DNAAF11: variants seen among roughly 807,000 people sequenced by gnomAD.
The protein encoded by DNAAF11 is dynein axonemal assembly factor 11, also known as leucine rich repeat containing 6.
Under a neutral mutation model 60.8 loss-of-function variants are expected in DNAAF11, and 45 were observed. The ratio of observed to expected loss-of-function variants is 0.74; its 90% CI spans 0.58 to 0.95. The LOEUF (loss-of-function observed/expected upper bound fraction) is 0.95. Ranked by LOEUF, DNAAF11 falls within the 40% of genes least tolerant of loss-of-function variation. The pLI is 0.00. For synonymous variants in DNAAF11, 191 were observed against 183.5 expected, an observed-to-expected ratio of 1.04 and a Z score of -0.33; for missense variants, 546 against 546.2, an observed-to-expected ratio of 1.00 and a Z score of 0.00.
intron 4 of DNAAF11, among the ~76,000 whole-genome samples, chr8:132,637,623 T>C (rs1586654250): frequency 6.6e-6 from 1 of 151,288 alleles, no homozygotes; most frequent in South Asian, 2.1e-4. Context: ...AAAAAACAAG[T>C]AATAATGAAT....
intron 10 of DNAAF11, among the ~76,000 whole-genome samples, chr8:132,594,738 C>T (rs1816810705): frequency 6.6e-6 from 1 of 152,182 alleles, no homozygotes; most frequent in Non-Finnish European, 1.5e-5. Flanking sequence ...TAAGATGTGC[C>T]TGCTTCCCCG....
At chr8:132,694,490 C>G in the DNAAF11 span, among the ~76,000 whole-genome samples, 1 of 152,216 alleles carries the variant, frequency 6.6e-6, no homozygotes, top group Non-Finnish European at 1.5e-5. Context: ...TCTCAGACTT[C>G]TAGCCTCCGT....
chr8:132,594,043 C>T (rs1041190499), intron 10 of DNAAF11, among the ~76,000 whole-genome samples: 2 of 151,876 alleles, frequency 1.3e-5, no homozygotes, highest in African/African-American at 2.4e-5. Flanking sequence ...GAGAATTCAC[C>T]AAAGCCAAAA....
chr8:132,573,412 G>A (rs1016886749), intron 11 of DNAAF11, among the ~76,000 whole-genome samples: 1 of 152,150 alleles, frequency 6.6e-6, no homozygotes, highest in Non-Finnish European at 1.5e-5. Flanking sequence ...ATAGCACAGT[G>A]TAGTGCTTGA....
rs1211277890 is a variant in DNAAF11 at position 132,632,757 on chromosome 8, T to C, written c.636A>G (p.Thr212=). ...SNAGFDGRWY[T]DINATLSSLE... is the part of the protein sequence containing the mutation. Reference sequence around the variant, plus strand: ...TTACATACAGAGTAGCATTGATGTCTGTGTACCAACGTCCATCAAAGCCTG... The same window carrying C: ...TTACATACAGAGTAGCATTGATGTCCGTGTACCAACGTCCATCAAAGCCTG... Residue 212 remains threonine (T), a synonymous_variant, in exon 5 of 12, where the codon ACA becomes ACG. Transcript: ENST00000620350. The C allele has an allele frequency of 1.2e-6, 2 of 1,610,330 alleles. No homozygotes were observed. Among genetic ancestry groups the C allele is most frequent in the East Asian group, 2.2e-5 (1 of 44,826 alleles).
At chr8:132,674,631 G>A (rs1224711499) in intron 1 of DNAAF11, among the ~76,000 whole-genome samples, 1 of 152,240 alleles carries the variant, frequency 6.6e-6, no homozygotes, top group Non-Finnish European at 1.5e-5. Flanking sequence ...GCTCACGCCT[G>A]TAATCGCAGC....
chr8:132,674,112 C>CAGGAGGAGGAGGAGGAGG (rs1289910379), intron 1 of DNAAF11, among the ~76,000 whole-genome samples: 7 of 46,680 alleles, frequency 1.5e-4, no homozygotes, highest in Admixed American at 4.5e-4. Context: ...GGAGGAGGAG[C>CAGGAGGAGGAGGAGGAGG]AGGAGGAGGA....
intron 10 of DNAAF11, among the ~76,000 whole-genome samples, chr8:132,608,939 A>T (rs2129923187): frequency 6.6e-6 from 1 of 152,338 alleles, no homozygotes; most frequent in Non-Finnish European, 1.5e-5. Context: ...ACGCAGAATT[A>T]TTAAATTATT....
intron 3 of DNAAF11, among the ~76,000 whole-genome samples, chr8:132,654,452 C>A: frequency 6.6e-6 from 1 of 151,626 alleles, no homozygotes. Flanking sequence ...AACAATAAAC[C>A]CAAGAATGGC....
rs187972256 is a variant in DNAAF11, at chr8:132,671,036, A to G, written c.10+4448T>C. 1.1e-4 allele frequency among the ~76,000 whole-genome samples: 17 copies of G among 152,314 alleles called. No homozygotes were observed. The East Asian group carries it at 3.3e-3, about 29-fold the overall frequency. ...GACTCTTCCCGTAAGAATCAGAAAAAAAGGCCAGGAAATCTGTTCTCACCA... is the reference window on the plus strand; with the variant it reads ...GACTCTTCCCGTAAGAATCAGAAAAGAAGGCCAGGAAATCTGTTCTCACCA... On this transcript the variant is annotated intron_variant, in intron 1 of 11. Coordinates refer to ENST00000620350, the MANE Select transcript of DNAAF11 (RefSeq NM_012472.6).
intron 4 of DNAAF11, among the ~76,000 whole-genome samples, chr8:132,633,663 C>A (rs1217321699): frequency 6.6e-6 from 1 of 152,056 alleles, no homozygotes; most frequent in Admixed American, 6.5e-5. Context: ...GCAAAAGGGG[C>A]TTTACAGGTG....
At chr8:132,644,768 G>A (rs969877119) in intron 3 of DNAAF11, among the ~76,000 whole-genome samples, 6 of 152,198 alleles carry the variant, frequency 3.9e-5, no homozygotes, top group Non-Finnish European at 8.8e-5. Flanking sequence ...ACTGCAAGGC[G>A]GCAGCAAGGC....
intron 5 of DNAAF11, among the ~76,000 whole-genome samples, chr8:132,629,742 A>G (rs1820624530): frequency 1.3e-5 from 2 of 152,190 alleles, no homozygotes; most frequent in Non-Finnish European, 1.5e-5. Flanking sequence ...GACAGGAAAA[A>G]AATTTTCAAG....
At chr8:132,622,817 A>C in intron 6 of DNAAF11, 129 bp from the exon 7 acceptor site, 3 of 667,400 alleles carry the variant, frequency 4.5e-6, no homozygotes, top group Non-Finnish European at 7.9e-6. Flanking sequence ...TTACGAACAC[A>C]TCAACAATTC....
chr8:132,688,965 A>G, the DNAAF11 span, among the ~76,000 whole-genome samples: 1 of 152,358 alleles, frequency 6.6e-6, no homozygotes, highest in African/African-American at 2.4e-5. Flanking sequence ...CAGTTTCCTT[A>G]GGAGTTTAAT....
At chr8:132,633,734 A>G (rs1443412623) in intron 4 of DNAAF11, among the ~76,000 whole-genome samples, 2 of 152,146 alleles carry the variant, frequency 1.3e-5, no homozygotes, top group Non-Finnish European at 2.9e-5. Flanking sequence ...AGAGGTCCTT[A>G]TAAGTAAAAG....
chr8:132,634,828 A>G (rs1216296542), intron 4 of DNAAF11, among the ~76,000 whole-genome samples: 2 of 149,948 alleles, frequency 1.3e-5, no homozygotes, highest in East Asian at 1.9e-4. Flanking sequence ...ATATAACTGT[A>G]TATTATAACA....
chr8:132,577,026 C>A (rs987963469), intron 11 of DNAAF11, among the ~76,000 whole-genome samples: 1 of 152,076 alleles, frequency 6.6e-6, no homozygotes, highest in African/African-American at 2.4e-5. Flanking sequence ...TAGCAAAATG[C>A]CCAAATCATA....
intron 3 of DNAAF11, among the ~76,000 whole-genome samples, chr8:132,640,636 A>G (rs949893102): frequency 6.6e-6 from 1 of 152,156 alleles, no homozygotes; most frequent in Non-Finnish European, 1.5e-5. Context: ...TAACTTCTTC[A>G]TGTCATTAAC....
Sources: allele counts gnomAD v4.1 joint callset (sites outside exome capture counted in the v4.1 genomes callset), GRCh38; gene constraint gnomAD v4.1.1; transcripts MANE v1.5; gene names NCBI Gene and HGNC (gene_info 2026-07-23, HGNC 2026-07-21).